CIMIP5: variants seen among roughly 807,000 people sequenced by gnomAD.
CIMIP5 encodes the protein ciliary microtubule inner protein 5, also known as uncharacterized protein C2orf50.
the CIMIP5 span, among the ~76,000 whole-genome samples, chr2:11,154,363 T>C: frequency 8.6e-5 from 13 of 151,908 alleles, no homozygotes; most frequent in Non-Finnish European, 1.6e-4. Context: ...TTTTTTTCCA[T>C]AGGCGGAGGT....
the CIMIP5 span, among the ~76,000 whole-genome samples, chr2:11,148,296 T>C: frequency 6.6e-6 from 1 of 152,002 alleles, no homozygotes; most frequent in Non-Finnish European, 1.5e-5. Context: ...TTTGCATTTT[T>C]AGTAGAGACA....
chr2:11,136,820 G>C, the CIMIP5 span, among the ~76,000 whole-genome samples: 6 of 152,226 alleles, frequency 3.9e-5, no homozygotes, highest in Admixed American at 3.9e-4. Flanking sequence ...ATGTGAATAA[G>C]CTCTCTCTGG....
the CIMIP5 span, chr2:11,140,662 C>T: frequency 7.6e-5 from 58 of 764,608 alleles, no homozygotes; most frequent in African/African-American, 9.7e-4. Context: ...ACTGGATGTG[C>T]AGCGATGAGT....
the CIMIP5 span, among the ~76,000 whole-genome samples, chr2:11,142,131 T>A: frequency 1.3e-5 from 2 of 152,030 alleles, no homozygotes; most frequent in African/African-American, 2.4e-5. Flanking sequence ...CCGGGTGTGC[T>A]GGTGCATGCC....
At chr2:11,140,246 G>A in the CIMIP5 span, among the ~76,000 whole-genome samples, 1 of 151,860 alleles carries the variant, frequency 6.6e-6, no homozygotes, top group Non-Finnish European at 1.5e-5. Flanking sequence ...GCGGTGGCGG[G>A]TGCCTGTAGT....
the CIMIP5 span, among the ~76,000 whole-genome samples, chr2:11,143,461 T>C: frequency 6.6e-6 from 1 of 151,666 alleles, no homozygotes; most frequent in Non-Finnish European, 1.5e-5. Context: ...TACCCCTTGA[T>C]CTGGTTGGGC....
chr2:11,143,595 C>G, the CIMIP5 span, among the ~76,000 whole-genome samples: 1 of 151,904 alleles, frequency 6.6e-6, no homozygotes, highest in African/African-American at 2.4e-5. Flanking sequence ...ATCAAAACCT[C>G]CCACCAGATG....
At chr2:11,152,718 C>T in the CIMIP5 span, among the ~76,000 whole-genome samples, 46 of 152,158 alleles carry the variant, frequency 3.0e-4, no homozygotes, top group African/African-American at 1.1e-3. Flanking sequence ...TCCAGACACT[C>T]CCCAACCTCC....
the CIMIP5 span, chr2:11,133,476 G>A: frequency 6.2e-7 from 1 of 1,608,590 alleles, no homozygotes; most frequent in Non-Finnish European, 8.5e-7. Flanking sequence ...TGGCTGCCAG[G>A]CCCCCCAGGC....
the CIMIP5 span, among the ~76,000 whole-genome samples, chr2:11,141,212 T>C: frequency 7.2e-6 from 1 of 137,994 alleles, no homozygotes; most frequent in African/African-American, 2.7e-5. Flanking sequence ...CACTGCAATC[T>C]CCACCTCCTG....
At chr2:11,150,557 C>G in the CIMIP5 span, among the ~76,000 whole-genome samples, 1 of 151,542 alleles carries the variant, frequency 6.6e-6, no homozygotes, top group African/African-American at 2.4e-5. Context: ...GTCTTGAACT[C>G]TTGACCTCAG....
At chr2:11,137,509 T>C in the CIMIP5 span, among the ~76,000 whole-genome samples, 1 of 152,000 alleles carries the variant, frequency 6.6e-6, no homozygotes, top group Non-Finnish European at 1.5e-5. Context: ...AAAACACAAA[T>C]GACGAATTAA....
the CIMIP5 span, among the ~76,000 whole-genome samples, chr2:11,154,081 A>G: frequency 6.6e-6 from 1 of 152,010 alleles, no homozygotes; most frequent in South Asian, 2.1e-4. Context: ...GGTTCAAGCC[A>G]TCCTCCTGTC....
the CIMIP5 span, among the ~76,000 whole-genome samples, chr2:11,135,044 G>A: frequency 3.3e-5 from 5 of 152,174 alleles, no homozygotes; most frequent in South Asian, 1.0e-3. Flanking sequence ...GAGGTGTCAG[G>A]TTCTTTTTAA....
chr2:11,154,253 C>A, the CIMIP5 span, among the ~76,000 whole-genome samples: 1 of 152,202 alleles, frequency 6.6e-6, no homozygotes, highest in African/African-American at 2.4e-5. Context: ...CGATCAGTAT[C>A]GATCTAGCCA....
At chr2:11,141,645 T>C in the CIMIP5 span, among the ~76,000 whole-genome samples, 1 of 152,124 alleles carries the variant, frequency 6.6e-6, no homozygotes, top group Non-Finnish European at 1.5e-5. Context: ...TTCCATGTAA[T>C]GTAATACTGC....
the CIMIP5 span, among the ~76,000 whole-genome samples, chr2:11,135,213 C>T: frequency 6.6e-6 from 1 of 152,180 alleles, no homozygotes; most frequent in Non-Finnish European, 1.5e-5. Flanking sequence ...AACATTCAAA[C>T]CATATCGGAG....
At chr2:11,141,764 A>G in the CIMIP5 span, among the ~76,000 whole-genome samples, 4 of 152,164 alleles carry the variant, frequency 2.6e-5, no homozygotes, top group African/African-American at 9.6e-5. Context: ...ACCTGGACCC[A>G]TGAGTTCAAG....
At chr2:11,140,380 A>C in the CIMIP5 span, 8 of 528,718 alleles carry the variant, frequency 1.5e-5, no homozygotes, top group African/African-American at 1.2e-4. Flanking sequence ...GTCTTAAAAA[A>C]AAAAAAAAAA....
Sources: allele counts gnomAD v4.1 joint callset (sites outside exome capture counted in the v4.1 genomes callset), GRCh38; gene constraint gnomAD v4.1.1; transcripts MANE v1.5; gene names NCBI Gene and HGNC (gene_info 2026-07-23, HGNC 2026-07-21).